The following PLXNA4 variants were observed in gnomAD, a reference collection of about 807,000 sequenced individuals.
The protein encoded by PLXNA4 is plexin A4, also known as plexin-A4.
In PLXNA4, 44 loss-of-function variants were observed where a neutral mutation model predicts 191.8. The observed-to-expected ratio is 0.23, with a 90% CI of 0.18 to 0.29. PLXNA4 has a LOEUF of 0.29. Ranked by LOEUF, PLXNA4 falls within the 10% of genes least tolerant of loss-of-function variation. The pLI is 1.00. For synonymous variants in PLXNA4, 1,082 were observed against 1,009.5 expected (o/e 1.07, Z -1.36); for missense variants, 1,800 against 2,488.8 (o/e 0.72, Z 5.89).
At chr7:132,504,547 T>C (rs1798381019) in intron 2 of PLXNA4, among the ~76,000 whole-genome samples, 1 of 152,190 alleles carries the variant, frequency 6.6e-6, no homozygotes, top group African/African-American at 2.4e-5. Context: ...TTGACATTCA[T>C]TGCTACTCAA....
intron 4 of PLXNA4, among the ~76,000 whole-genome samples, chr7:132,269,591 C>T (rs1799987087): frequency 6.6e-6 from 1 of 152,156 alleles, no homozygotes; most frequent in South Asian, 2.1e-4. Flanking sequence ...TGCAATCCTA[C>T]TGTAGAAATA....
At chr7:132,455,887 T>C (rs2117327560) in intron 3 of PLXNA4, among the ~76,000 whole-genome samples, 1 of 152,224 alleles carries the variant, frequency 6.6e-6, no homozygotes. Context: ...TGCCCACCTC[T>C]GGAGGCCTGG....
In PLXNA4 at chr7:132,429,357, T is replaced by C. The variant is rs570410609; in HGVS notation, c.1371+59935A>G. On this transcript the variant is annotated intron_variant, in intron 3 of 31. Coordinates refer to ENST00000321063, the MANE Select transcript of PLXNA4 (RefSeq NM_020911.2). ...AAATGGATGGGTATAGGAAGAACTT[T>C]GCCCTCTAGAGTAAAGATGGGCAAA... Among the ~76,000 whole-genome samples, 124 of 152,188 alleles carry C rather than the reference T, an allele frequency of 8.1e-4. 1 individual carries two copies. The highest frequency in any genetic ancestry group is 2.8e-3 in the African/African-American group (116 of 41,466).
intron 3 of PLXNA4, among the ~76,000 whole-genome samples, chr7:132,447,268 T>C (rs1027942487): frequency 6.6e-6 from 1 of 152,160 alleles, no homozygotes; most frequent in Non-Finnish European, 1.5e-5. Context: ...TCTCACTGTG[T>C]CAGAACTCAG....
rs939915127 is a variant in PLXNA4, at chr7:132,460,004, G to A, written c.1371+29288C>T. On this transcript the variant is annotated intron_variant, in intron 3 of 31. Transcript: ENST00000321063. ...TAATACCAGTACCCAATGCAGTCAC[G>A]ATGGCAACCGATAGCAAGAATACTT... Among the ~76,000 whole-genome samples the A allele has an allele frequency of 1.8e-4, 26 of 141,600 alleles. 1 individual carries two copies. The highest frequency in any genetic ancestry group is 6.8e-4 in the African/African-American group (26 of 38,304). 92.9% of individuals were successfully genotyped at this position (141,600 alleles called of 152,430 possible).
chr7:132,505,910 G>T (rs1244428759), intron 2 of PLXNA4, among the ~76,000 whole-genome samples: 3 of 152,106 alleles, frequency 2.0e-5, no homozygotes, highest in African/African-American at 7.2e-5. Context: ...CAAACAAAGG[G>T]CTCCAGGGGC....
intron 9 of PLXNA4, among the ~76,000 whole-genome samples, chr7:132,213,938 T>C (rs1348447309): frequency 6.6e-6 from 1 of 152,104 alleles, no homozygotes; most frequent in Non-Finnish European, 1.5e-5. Flanking sequence ...TATGGGAATC[T>C]CAGAATCCTC....
intron 1 of PLXNA4, among the ~76,000 whole-genome samples, chr7:132,571,417 C>G (rs1393823174): frequency 6.6e-6 from 1 of 152,226 alleles, no homozygotes; most frequent in Non-Finnish European, 1.5e-5. Context: ...TCTGCTGCAA[C>G]CACCATAGGA....
intron 1 of PLXNA4, among the ~76,000 whole-genome samples, chr7:132,524,172 G>C (rs963243833): frequency 6.6e-6 from 1 of 152,188 alleles, no homozygotes; most frequent in Non-Finnish European, 1.5e-5. Flanking sequence ...TAACTGTGAC[G>C]GCCCCTGGGT....
intron 3 of PLXNA4, among the ~76,000 whole-genome samples, chr7:132,460,982 G>T (rs1014294181): frequency 1.3e-5 from 2 of 151,992 alleles, no homozygotes; most frequent in African/African-American, 4.8e-5. Flanking sequence ...ATAATCACAA[G>T]AAATATTTTC....
chr7:132,295,000 A>T (rs73157266), intron 4 of PLXNA4, among the ~76,000 whole-genome samples: 5,749 of 152,336 alleles, frequency 0.038, 168 homozygotes, highest in Middle Eastern at 0.068. Context: ...TAAGCTCCCC[A>T]GTCTGTGCTA....
At chr7:132,603,523 G>T (rs376008876) in intron 2 of PLXNA4, among the ~76,000 whole-genome samples, 4 of 152,144 alleles carry the variant, frequency 2.6e-5, no homozygotes. Context: ...AGAAGTGGAC[G>T]AGCCCAGCCT....
intron 4 of PLXNA4, among the ~76,000 whole-genome samples, chr7:132,267,386 C>A (rs1263242514): frequency 2.0e-5 from 3 of 152,194 alleles, no homozygotes; most frequent in Non-Finnish European, 4.4e-5. Flanking sequence ...TGTCCTTGGA[C>A]ACATGTGAAT....
At chr7:132,177,169 G>A (rs1476638686) in intron 20 of PLXNA4, among the ~76,000 whole-genome samples, 1 of 151,662 alleles carries the variant, frequency 6.6e-6, no homozygotes, top group African/African-American at 2.4e-5. Flanking sequence ...GTGAGTGCAC[G>A]AGTGAGTGTA....
At chr7:132,256,820 G>A (rs547467787) in intron 4 of PLXNA4, among the ~76,000 whole-genome samples, 15 of 152,284 alleles carry the variant, frequency 9.9e-5, no homozygotes, top group Non-Finnish European at 1.9e-4. Flanking sequence ...AGTGATTTGA[G>A]GATTATGCAT....
intron 4 of PLXNA4, among the ~76,000 whole-genome samples, chr7:132,287,705 G>A (rs889581765): frequency 5.3e-5 from 8 of 152,134 alleles, no homozygotes; most frequent in African/African-American, 9.7e-5. Flanking sequence ...GTAGAAACAC[G>A]TCAGTCAGAA....
chr7:132,164,313 G>A (rs1388414241), intron 23 of PLXNA4, 25 bp from the exon 24 acceptor site: 1 of 1,612,174 alleles, frequency 6.2e-7, no homozygotes, highest in Admixed American at 1.7e-5. Flanking sequence ...AACGTCATTA[G>A]GAGGAGCTCT....
intron 31 of PLXNA4, among the ~76,000 whole-genome samples, chr7:132,132,391 TG>T (rs1794956788): frequency 2.8e-5 from 1 of 36,256 alleles, no homozygotes; most frequent in South Asian, 9.9e-4. Flanking sequence ...TGTTCTGTTC[TG>T]TTCTGTTCTG....
At chr7:132,365,693 C>T (rs1350589560) in intron 3 of PLXNA4, among the ~76,000 whole-genome samples, 1 of 152,214 alleles carries the variant, frequency 6.6e-6, no homozygotes, top group Non-Finnish European at 1.5e-5. Context: ...AGAGAGAAGA[C>T]AGGCATCAGC....
Sources: allele counts gnomAD v4.1 joint callset (sites outside exome capture counted in the v4.1 genomes callset), GRCh38; gene constraint gnomAD v4.1.1; transcripts MANE v1.5; gene names NCBI Gene and HGNC (gene_info 2026-07-23, HGNC 2026-07-21).